The following GOLGA8B variants were observed in gnomAD, a reference collection of about 807,000 sequenced individuals.
GOLGA8B encodes golgin subfamily A member 8B.
GOLGA8B carries 1 observed loss-of-function variant against 15.6 expected under a neutral mutation model. The ratio of observed to expected loss-of-function variants is 0.06; its 90% CI spans 0.02 to 0.30. GOLGA8B has a LOEUF of 0.30. Among genes scored for constraint, GOLGA8B ranks in the 10% least tolerant of loss-of-function variants. The probability of loss-of-function intolerance (pLI) is 1.00; values close to 1 mark genes in which losing one functional copy is unlikely to be tolerated. For synonymous variants in GOLGA8B, 9 were observed against 80.3 expected (o/e 0.11, Z 4.75); for missense variants, 17 against 201.3 (o/e 0.08, Z 5.54).
At position 34,525,836 on chromosome 15, in the gene GOLGA8B, C is replaced by A. The variant is rs968434648; in HGVS notation, c.*1796G>T. 49 of 149,516 alleles carry A rather than the reference C, an allele frequency of 3.3e-4. 2 individuals carry two copies. Among genetic ancestry groups the A allele is most frequent in the East Asian group, 5.9e-4 (3 of 5,100 alleles). The allele number at this position is 149,516 out of a possible 1,614,324, so 9.3% of individuals were successfully genotyped here. A position where few individuals can be genotyped will look rare whatever the true frequency, so the allele number is the denominator to read the frequency against. ...GTATTGCTGCTCTCCTGTTAATCTCCTATTTATAAAAGGATCATGAGGCTG... is the reference window on the plus strand; with the variant it reads ...GTATTGCTGCTCTCCTGTTAATCTCATATTTATAAAAGGATCATGAGGCTG... On this transcript the variant is annotated 3_prime_UTR_variant, in exon 24 of 24. Coordinates refer to ENST00000683415, the MANE Select transcript of GOLGA8B (RefSeq NM_001023567.5).
intron 1 of GOLGA8B, among the ~76,000 whole-genome samples, chr15:34,576,797 G>A (rs566839858): frequency 2.0e-5 from 3 of 152,174 alleles, no homozygotes; most frequent in Admixed American, 6.5e-5. Flanking sequence ...CAGCTTTCAC[G>A]CGTACCAGCC....
In GOLGA8B at chr15:34,527,140, T is replaced by G; in HGVS notation, c.*492A>C. Reference sequence around the variant, plus strand: ...TGGCATATTACAAAGTAATAAACAGTGCACACTTGAGGGCAAACCGCATAT... The same window carrying G: ...TGGCATATTACAAAGTAATAAACAGGGCACACTTGAGGGCAAACCGCATAT... On this transcript the variant is annotated 3_prime_UTR_variant, in exon 24 of 24. Transcript: ENST00000683415. The G allele has an allele frequency of 3.5e-6, 1 of 283,898 alleles. No individual in the cohort carries two copies. The highest frequency in any genetic ancestry group is 6.8e-6 in the Non-Finnish European group (1 of 148,046). 17.6% of individuals were successfully genotyped at this position (283,898 alleles called of 1,614,324 possible).
At chr15:34,577,765 A>T (rs888103391) in intron 1 of GOLGA8B, among the ~76,000 whole-genome samples, 1 of 152,212 alleles carries the variant, frequency 6.6e-6, no homozygotes, top group Non-Finnish European at 1.5e-5. Flanking sequence ...AAAGGCACAA[A>T]GTTAAAATAT....
At chr15:34,582,117 A>G (rs1235189069) in intron 1 of GOLGA8B, among the ~76,000 whole-genome samples, 1 of 152,194 alleles carries the variant, frequency 6.6e-6, no homozygotes, top group Non-Finnish European at 1.5e-5. Flanking sequence ...ACGGTCACCC[A>G]GGAATCAGCG....
chr15:34,580,282 A>G (rs1283452766), intron 1 of GOLGA8B, among the ~76,000 whole-genome samples: 2 of 152,208 alleles, frequency 1.3e-5, no homozygotes, highest in South Asian at 2.1e-4. Context: ...TGGAGGGACC[A>G]TTCTTGGGAG....
chr15:34,581,686 A>G (rs1476802346), intron 1 of GOLGA8B, among the ~76,000 whole-genome samples: 1 of 152,118 alleles, frequency 6.6e-6, no homozygotes, highest in African/African-American at 2.4e-5. Flanking sequence ...GTGGAAGAGA[A>G]TGAGGAGCTG....
Position 34,526,431 on chromosome 15 carries a change from C to T in GOLGA8B, c.*1201G>A, listed in dbSNP as rs183116767. The T allele has an allele frequency of 1.1e-3, 161 of 148,466 alleles. 8 individuals are homozygous for T. Among genetic ancestry groups the T allele is most frequent in the African/African-American group, 3.8e-3 (153 of 40,118 alleles). The allele number at this position is 148,466 out of a possible 1,614,324, so 9.2% of individuals were successfully genotyped here. On this transcript the variant is annotated 3_prime_UTR_variant, in exon 24 of 24. Transcript: ENST00000683415. ...AAGTAAATTCCTATGTCAGAGTAAC[C>T]GAGGTGGTTGAAGAATAGGTATTAG...
intron 1 of GOLGA8B, among the ~76,000 whole-genome samples, chr15:34,570,750 C>CT (rs1261809471): frequency 8.9e-6 from 1 of 111,864 alleles, no homozygotes; most frequent in African/African-American, 3.0e-5. Flanking sequence ...AAGGCAACAA[C>CT]TTTTCTACAG....
chr15:34,578,585 T>TCCTC (rs1566936935), intron 1 of GOLGA8B, among the ~76,000 whole-genome samples: 1 of 152,238 alleles, frequency 6.6e-6, no homozygotes, highest in South Asian at 2.1e-4. Context: ...CTCAGCTACC[T>TCCTC]GTCCCCAGCC....
chr15:34,570,727 C>T (rs151295575), intron 1 of GOLGA8B, among the ~76,000 whole-genome samples: 2,935 of 76,822 alleles, frequency 0.038, 178 homozygotes, highest in East Asian at 0.12. Flanking sequence ...GGGCAGGCAG[C>T]CCACAAATTT....
chr15:34,577,504 TCATACACACACACACACACACACACACA>T (rs1163186459), intron 1 of GOLGA8B, among the ~76,000 whole-genome samples: 59 of 100,698 alleles, frequency 5.9e-4, no homozygotes, highest in Non-Finnish European at 8.8e-4. Context: ...AAATTATATA[TCATACACACACACACACACACACACACA>T]CACACACACA....
At chr15:34,581,133 A>C (rs1889219198) in intron 1 of GOLGA8B, among the ~76,000 whole-genome samples, 2 of 152,180 alleles carry the variant, frequency 1.3e-5, no homozygotes, top group Non-Finnish European at 2.9e-5. Flanking sequence ...CTGGACAGTA[A>C]AGGTTTCTCC....
rs1009372815 is a variant in GOLGA8B at position 34,579,152 on chromosome 15, T to A, written c.-1123+4364A>T. ...AGAAGACTGGCCCTGGACCCCAGGG[T>A]TTAGTGGCAGGGCCAGGCTGGAACT... On this transcript the variant is annotated intron_variant, in intron 1 of 23. Coordinates refer to ENST00000683415, the MANE Select transcript of GOLGA8B (RefSeq NM_001023567.5). Among the ~76,000 whole-genome samples the A allele has an allele frequency of 2.0e-4, 30 of 151,852 alleles. 2 individuals are homozygous for A. The highest frequency in any genetic ancestry group is 1.4e-3 in the Admixed American group (21 of 15,246).
chr15:34,543,345 T>C (rs1888242984), intron 7 of GOLGA8B, among the ~76,000 whole-genome samples: 2 of 147,414 alleles, frequency 1.4e-5, no homozygotes, highest in Admixed American at 1.4e-4. Context: ...CACAGCTTTT[T>C]TCTTCTTCTT....
chr15:34,526,211 A>G lies in GOLGA8B; in HGVS notation c.*1421T>C, dbSNP rs1161160008. The G allele has an allele frequency of 6.7e-6, 1 of 150,058 alleles. No homozygotes were observed. The highest frequency in any genetic ancestry group is 1.5e-5 in the Non-Finnish European group (1 of 67,308). The allele number at this position is 150,058 out of a possible 1,614,324, so 9.3% of individuals were successfully genotyped here. Reference sequence around the variant, plus strand: ...GTATAGACATGTTTCCTGATAATACATTGACATTCACAAACAGTAGATTGC... The same window carrying G: ...GTATAGACATGTTTCCTGATAATACGTTGACATTCACAAACAGTAGATTGC... On this transcript the variant is annotated 3_prime_UTR_variant, in exon 24 of 24. Coordinates refer to ENST00000683415, the MANE Select transcript of GOLGA8B (RefSeq NM_001023567.5).
Position 34,526,391 on chromosome 15 carries a change from C to T in GOLGA8B, c.*1241G>A, listed in dbSNP as rs1039332759. 9 of 149,144 alleles carry T rather than the reference C, an allele frequency of 6.0e-5. 1 individual carries two copies. The South Asian group carries it at 8.6e-4, about 14-fold the overall frequency. The allele number at this position is 149,144 out of a possible 1,614,324, so 9.2% of individuals were successfully genotyped here. A position where few individuals can be genotyped will look rare whatever the true frequency, so the allele number is the denominator to read the frequency against. On this transcript the variant is annotated 3_prime_UTR_variant, in exon 24 of 24. Coordinates refer to ENST00000683415, the MANE Select transcript of GOLGA8B (RefSeq NM_001023567.5). ...TTGTTATTATTTTCTAAAGTGTTTT[C>T]CACTCAAGGAAAAGAAGTAAATTCC...
In GOLGA8B at chr15:34,578,443, T is replaced by C. The variant is rs73381963; in HGVS notation, c.-1123+5073A>G. Among the ~76,000 whole-genome samples the C allele has an allele frequency of 4.4e-4, 67 of 152,082 alleles. 1 individual carries two copies. Among genetic ancestry groups the C allele is most frequent in the Non-Finnish European group, 1.2e-4 (8 of 68,016 alleles). On this transcript the variant is annotated intron_variant, in intron 1 of 23. Transcript: ENST00000683415. ...TAAGTCCTAGTCATGCCCACCCCGT[T>C]AAAAACAAATCTGATACAAAATGGG...
Position 34,525,736 on chromosome 15 carries a change from G to C in GOLGA8B, c.*1896C>G, listed in dbSNP as rs561616063. 6.7e-6 allele frequency: 1 copy of C among 149,776 alleles called. No individual in the cohort carries two copies. Among genetic ancestry groups the C allele is most frequent in the African/African-American group, 2.5e-5 (1 of 40,470 alleles). 9.3% of individuals were successfully genotyped at this position (149,776 alleles called of 1,614,324 possible). ...AAATTCATACAATTCGGAAGAGTCA[G>C]TTGAAGTCACAAGGACCCAATATCT... On this transcript the variant is annotated 3_prime_UTR_variant, in exon 24 of 24. Transcript: ENST00000683415.
At chr15:34,582,862 G>C (rs1488891764) in intron 1 of GOLGA8B, 1 of 152,210 alleles carries the variant, frequency 6.6e-6, no homozygotes, top group Non-Finnish European at 1.5e-5. Flanking sequence ...GCAGTGCCTG[G>C]CCTGGAGAAG....
Sources: allele counts gnomAD v4.1 joint callset (sites outside exome capture counted in the v4.1 genomes callset), GRCh38; gene constraint gnomAD v4.1.1; transcripts MANE v1.5; gene names NCBI Gene and HGNC (gene_info 2026-07-23, HGNC 2026-07-21).